IMMP2L: variants seen among roughly 807,000 people sequenced by gnomAD.
IMMP2L encodes the protein inner mitochondrial membrane peptidase subunit 2.
In IMMP2L, 18 loss-of-function variants were observed where a neutral mutation model predicts 19.3. The ratio of observed to expected loss-of-function variants is 0.93; its 90% CI spans 0.64 to 1.38. IMMP2L has a LOEUF of 1.38. Among genes scored for constraint, IMMP2L ranks in the 40% most tolerant of loss-of-function variants. The pLI, the probability that IMMP2L is intolerant of heterozygous loss-of-function variation, is 0.00. For synonymous variants in IMMP2L, 76 were observed against 73.0 expected (o/e 1.04, Z -0.21); for missense variants, 233 against 218.2 (o/e 1.07, Z -0.43).
chr7:111,093,230 G>T (rs1430940930), intron 3 of IMMP2L, among the ~76,000 whole-genome samples: 1 of 152,176 alleles, frequency 6.6e-6, no homozygotes, highest in Non-Finnish European at 1.5e-5. Context: ...TGAAGCATCA[G>T]CTTGCAATAT....
At chr7:111,553,328 G>T (rs1262314213) in intron 1 of IMMP2L, among the ~76,000 whole-genome samples, 1 of 151,970 alleles carries the variant, frequency 6.6e-6, no homozygotes, top group Non-Finnish European at 1.5e-5. Flanking sequence ...ATACTGTAAG[G>T]ATGATCATTC....
intron 3 of IMMP2L, among the ~76,000 whole-genome samples, chr7:111,237,189 T>C (rs983620644): frequency 2.0e-5 from 3 of 152,154 alleles, no homozygotes; most frequent in Admixed American, 1.3e-4. Context: ...TCAAAATAAA[T>C]ACTAAATTCA....
intron 3 of IMMP2L, among the ~76,000 whole-genome samples, chr7:111,385,044 C>T (rs1048112815): frequency 6.6e-6 from 1 of 152,086 alleles, no homozygotes; most frequent in Non-Finnish European, 1.5e-5. Context: ...CTATTTTGTG[C>T]AATGCACTGG....
chr7:111,186,776 T>A (rs992508094), intron 3 of IMMP2L, among the ~76,000 whole-genome samples: 9 of 152,004 alleles, frequency 5.9e-5, no homozygotes, highest in African/African-American at 4.8e-5. Context: ...TCAATTTCAG[T>A]ATAAAATCTA....
chr7:110,677,757 T>C (rs909016671), intron 5 of IMMP2L, among the ~76,000 whole-genome samples: 2 of 151,412 alleles, frequency 1.3e-5, no homozygotes, highest in Non-Finnish European at 2.9e-5. Flanking sequence ...AAAAAATAGA[T>C]AGAAAGCAAT....
At chr7:111,492,114 T>C (rs1459874497) in intron 2 of IMMP2L, among the ~76,000 whole-genome samples, 1 of 152,014 alleles carries the variant, frequency 6.6e-6, no homozygotes, top group African/African-American at 2.4e-5. Flanking sequence ...TTTCCAAGAG[T>C]CTATAAGCTC....
intron 3 of IMMP2L, among the ~76,000 whole-genome samples, chr7:111,321,920 A>C (rs258920): frequency 1.8e-4 from 28 of 151,842 alleles, no homozygotes; most frequent in Non-Finnish European, 3.4e-4. Context: ...GTTATGGACA[A>C]TGAAACACCT....
At chr7:111,082,793 G>A (rs1438760631) in intron 3 of IMMP2L, among the ~76,000 whole-genome samples, 1 of 150,804 alleles carries the variant, frequency 6.6e-6, no homozygotes, top group Non-Finnish European at 1.5e-5. Context: ...TAATGGCGAG[G>A]GTTAATTTGC....
intron 5 of IMMP2L, among the ~76,000 whole-genome samples, chr7:110,829,104 G>T (rs1803742692): frequency 6.6e-6 from 1 of 152,098 alleles, no homozygotes; most frequent in Admixed American, 6.6e-5. Flanking sequence ...GATTGGCAAA[G>T]ATGGTATTAT....
At chr7:111,192,649 G>A (rs566782265) in intron 3 of IMMP2L, among the ~76,000 whole-genome samples, 1 of 152,152 alleles carries the variant, frequency 6.6e-6, no homozygotes, top group South Asian at 2.1e-4. Flanking sequence ...CATCCAGATG[G>A]AGCCAAGAGA....
intron 3 of IMMP2L, among the ~76,000 whole-genome samples, chr7:111,001,427 A>G (rs1823674072): frequency 6.6e-6 from 1 of 152,180 alleles, no homozygotes; most frequent in African/African-American, 2.4e-5. Context: ...TTAAATAAAT[A>G]TAATATGTTC....
chr7:110,878,041 C>T (rs904696096), intron 5 of IMMP2L, among the ~76,000 whole-genome samples: 1 of 152,104 alleles, frequency 6.6e-6, no homozygotes, highest in African/African-American at 2.4e-5. Flanking sequence ...ATTAAATGAC[C>T]TGACAAGCTT....
At chr7:111,389,280 C>A (rs1044771380) in intron 3 of IMMP2L, among the ~76,000 whole-genome samples, 7 of 151,914 alleles carry the variant, frequency 4.6e-5, no homozygotes, top group Non-Finnish European at 1.0e-4. Flanking sequence ...AATGAAGATT[C>A]CAGATTGAAG....
At chr7:111,448,100 T>A (rs1838708763) in intron 3 of IMMP2L, among the ~76,000 whole-genome samples, 1 of 141,514 alleles carries the variant, frequency 7.1e-6, no homozygotes, top group African/African-American at 3.0e-5. Flanking sequence ...CTCCCACACA[T>A]TAATAATGGG....
intron 5 of IMMP2L, among the ~76,000 whole-genome samples, chr7:110,825,808 A>T (rs1803432082): frequency 6.6e-6 from 1 of 152,226 alleles, no homozygotes; most frequent in South Asian, 2.1e-4. Context: ...CACCAAAAGC[A>T]ATGGCAACAA....
chr7:110,997,163 TA>T (rs1467056508), intron 3 of IMMP2L, among the ~76,000 whole-genome samples: 2 of 151,998 alleles, frequency 1.3e-5, no homozygotes, highest in South Asian at 2.1e-4. Context: ...GGAATGTACT[TA>T]AAAAAAATTT....
chr7:111,320,500 C>A (rs1282323134), intron 3 of IMMP2L, among the ~76,000 whole-genome samples: 1 of 152,044 alleles, frequency 6.6e-6, no homozygotes, highest in African/African-American at 2.4e-5. Context: ...TCTGAATAAT[C>A]TTTCTAAAAC....
intron 1 of IMMP2L, among the ~76,000 whole-genome samples, chr7:111,534,523 A>G (rs1056143366): frequency 1.3e-5 from 2 of 152,178 alleles, no homozygotes; most frequent in African/African-American, 4.8e-5. Context: ...TTTATTTGCA[A>G]TGAAAGGAAT....
intron 3 of IMMP2L, among the ~76,000 whole-genome samples, chr7:111,286,391 C>G (rs1212417861): frequency 2.0e-5 from 3 of 152,094 alleles, no homozygotes; most frequent in Non-Finnish European, 4.4e-5. Flanking sequence ...AATGACTTAA[C>G]TGAGATTGCG....
Sources: allele counts gnomAD v4.1 joint callset (sites outside exome capture counted in the v4.1 genomes callset), GRCh38; gene constraint gnomAD v4.1.1; transcripts MANE v1.5; gene names NCBI Gene and HGNC (gene_info 2026-07-23, HGNC 2026-07-21).